DIAPH3: variants seen among roughly 807,000 people sequenced by gnomAD.
DIAPH3 encodes the protein diaphanous related formin 3.
A neutral mutation model predicts 144.3 loss-of-function variants in DIAPH3; 117 were observed. The ratio of observed to expected loss-of-function variants is 0.81; its 90% confidence interval spans 0.70 to 0.95. The LOEUF (loss-of-function observed/expected upper bound fraction) is 0.95. DIAPH3 is among the 40% of genes least tolerant of loss of function. The pLI is 0.00. For synonymous variants in DIAPH3, 519 were observed against 488.9 expected (o/e 1.06, Z -0.81); for missense variants, 1,421 against 1,412.7 (o/e 1.01, Z -0.09).
chr13:59,745,884 C>T (rs1393721965), intron 27 of DIAPH3, among the ~76,000 whole-genome samples: 1 of 152,154 alleles, frequency 6.6e-6, no homozygotes, highest in Non-Finnish European at 1.5e-5. Flanking sequence ...GCAGTTTTCA[C>T]TAATATTGAA....
Position 59,898,134 on chromosome 13 carries a change from C to CAAAAAAAAAAAAAAA in DIAPH3, c.2367+13586_2367+13600dup, listed in dbSNP as rs34238599. On this transcript the variant is annotated intron_variant, in intron 20 of 27. Transcript: ENST00000400324. The stretch of plus-strand genomic sequence containing the variant: ...TGGGTGACAGAGTGAGACTCTGCCT[C>CAAAAAAAAAAAAAAA]AAAAAAAAAAAAAAAAAAAAAAGAA... 3.2e-4 allele frequency among the ~76,000 whole-genome samples: 23 copies of CAAAAAAAAAAAAAAA among 72,186 alleles called. 1 individual carries two copies. The highest frequency in any genetic ancestry group is 8.1e-4 in the Admixed American group (4 of 4,938). The allele number at this position is 72,186 out of a possible 152,430, so 47.4% of individuals were successfully genotyped here. A position where few individuals can be genotyped will look rare whatever the true frequency, so the allele number is the denominator to read the frequency against.
At chr13:60,099,085 T>C (rs1277974183) in intron 3 of DIAPH3, among the ~76,000 whole-genome samples, 2 of 152,226 alleles carry the variant, frequency 1.3e-5, no homozygotes, top group Non-Finnish European at 2.9e-5. Context: ...TTATTGTTTT[T>C]GATGTTAAAG....
chr13:59,671,800 TTGAAAC>T (rs1566168252), intron 27 of DIAPH3, among the ~76,000 whole-genome samples: 3 of 152,232 alleles, frequency 2.0e-5, no homozygotes, highest in Non-Finnish European at 4.4e-5. Context: ...AGCTTTTTCT[TTGAAAC>T]TGAACTAAAA....
chr13:60,162,333 A>G (rs1952329922), intron 1 of DIAPH3, among the ~76,000 whole-genome samples: 1 of 152,202 alleles, frequency 6.6e-6, no homozygotes, highest in African/African-American at 2.4e-5. Flanking sequence ...CACAGAAGTT[A>G]AAACAAAATA....
At chr13:59,795,944 T>C (rs1408491755) in intron 25 of DIAPH3, among the ~76,000 whole-genome samples, 2 of 152,210 alleles carry the variant, frequency 1.3e-5, no homozygotes, top group Non-Finnish European at 2.9e-5. Flanking sequence ...AGGGGGTAAG[T>C]GCATCAATAA....
chr13:59,869,261 G>A (rs934448026), intron 21 of DIAPH3, among the ~76,000 whole-genome samples: 1 of 152,170 alleles, frequency 6.6e-6, no homozygotes, highest in Non-Finnish European at 1.5e-5. Flanking sequence ...ATGCAGTGGT[G>A]TCTTATTGTT....
intron 20 of DIAPH3, among the ~76,000 whole-genome samples, chr13:59,906,735 A>G (rs1334527771): frequency 6.6e-6 from 1 of 152,244 alleles, no homozygotes; most frequent in Non-Finnish European, 1.5e-5. Flanking sequence ...AGAATTAAAT[A>G]ACGTGGAGAC....
At chr13:59,811,119 C>A (rs1020627101) in intron 24 of DIAPH3, among the ~76,000 whole-genome samples, 196 bp from the exon 25 acceptor site, 1 of 152,058 alleles carries the variant, frequency 6.6e-6, no homozygotes, top group African/African-American at 2.4e-5. Context: ...ATAAATACGA[C>A]TGTTATTAAA....
chr13:60,087,948 T>A (rs549389031), intron 4 of DIAPH3, among the ~76,000 whole-genome samples: 2 of 151,822 alleles, frequency 1.3e-5, no homozygotes, highest in African/African-American at 4.8e-5. Flanking sequence ...AGGTGAGGAG[T>A]CTATCACAAC....
chr13:60,076,096 C>G (rs1437402523), intron 4 of DIAPH3, among the ~76,000 whole-genome samples: 1 of 152,210 alleles, frequency 6.6e-6, no homozygotes. Flanking sequence ...CCAGCTTGTT[C>G]CAACCATAAG....
intron 20 of DIAPH3, among the ~76,000 whole-genome samples, chr13:59,892,994 C>G (rs934215901): frequency 4.6e-5 from 7 of 152,012 alleles, no homozygotes; most frequent in Admixed American, 3.9e-4. Context: ...TTTCAGAAAC[C>G]ATTAGAGTAT....
At chr13:59,693,210 G>T (rs1430881199) in intron 27 of DIAPH3, among the ~76,000 whole-genome samples, 4 of 152,176 alleles carry the variant, frequency 2.6e-5, no homozygotes, top group African/African-American at 4.8e-5. Flanking sequence ...TGACCAAAGA[G>T]AAGAGTGACT....
chr13:59,968,087 G>T (rs2050158419), intron 17 of DIAPH3, among the ~76,000 whole-genome samples: 2 of 152,142 alleles, frequency 1.3e-5, no homozygotes, highest in South Asian at 2.1e-4. Context: ...TTTCTAACTA[G>T]TATTAGATAG....
chr13:60,060,644 G>A (rs1012514609), intron 4 of DIAPH3, among the ~76,000 whole-genome samples: 5 of 152,088 alleles, frequency 3.3e-5, no homozygotes, highest in African/African-American at 9.7e-5. Flanking sequence ...TAACTGGATA[G>A]ATTGTCTCAT....
Position 59,930,051 on chromosome 13 carries a change from C to T in DIAPH3, c.2075-5181G>A, listed in dbSNP as rs866344462. ...GTGTTTATAATTATTCAACTTAGCA[C>T]AGTGTTCTTCATACATGACCTGTAT... On this transcript the variant is annotated intron_variant, in intron 17 of 27. Coordinates refer to ENST00000400324, the MANE Select transcript of DIAPH3 (RefSeq NM_001042517.2). Among the ~76,000 whole-genome samples the T allele has an allele frequency of 1.2e-4, 19 of 152,272 alleles. No homozygotes were observed. The Middle Eastern group carries it at 0.01, about 82-fold the overall frequency.
intron 20 of DIAPH3, among the ~76,000 whole-genome samples, chr13:59,905,342 C>CAAAAAAAAAAAAAAAAAAAAAAA (rs59114311): frequency 1.4e-5 from 1 of 69,758 alleles, no homozygotes; most frequent in Non-Finnish European, 2.4e-5. Flanking sequence ...GACTCTGTCT[C>CAAAAAAAAAAAAAAAAAAAAAAA]AAAAAAAAAA....
At chr13:60,136,471 C>T (rs975496915) in intron 1 of DIAPH3, among the ~76,000 whole-genome samples, 6 of 115,332 alleles carry the variant, frequency 5.2e-5, no homozygotes, top group African/African-American at 1.7e-4. Flanking sequence ...GTTATATTTA[C>T]CAAAAAAAAA....
intron 3 of DIAPH3, among the ~76,000 whole-genome samples, chr13:60,102,885 G>A (rs565948235): frequency 6.6e-6 from 1 of 152,156 alleles, no homozygotes; most frequent in South Asian, 2.1e-4. Context: ...GTGGTGCTGT[G>A]TCCATCCAGA....
chr13:59,866,580 T>G (rs939977467), intron 21 of DIAPH3, among the ~76,000 whole-genome samples: 2 of 152,102 alleles, frequency 1.3e-5, no homozygotes, highest in African/African-American at 4.8e-5. Context: ...GAGCACAACA[T>G]TCTATTGTTT....
Sources: allele counts gnomAD v4.1 joint callset (sites outside exome capture counted in the v4.1 genomes callset), GRCh38; gene constraint gnomAD v4.1.1; transcripts MANE v1.5; gene names NCBI Gene and HGNC (gene_info 2026-07-23, HGNC 2026-07-21).